Variants in LHFPL6 observed in about 807,000 individuals in gnomAD.
LHFPL6 encodes LHFPL tetraspan subfamily member 6 protein.
A neutral mutation model predicts 20.6 loss-of-function variants in LHFPL6; 9 were observed. The observed-to-expected ratio is 0.44, with a 90% CI of 0.26 to 0.76. The LOEUF (loss-of-function observed/expected upper bound fraction) is 0.76. LHFPL6 is among the 30% of genes least tolerant of loss of function. The pLI is 0.20. For synonymous variants in LHFPL6, 105 were observed against 98.7 expected (o/e 1.06, Z -0.38); for missense variants, 218 against 253.5 (o/e 0.86, Z 0.95).
intron 2 of LHFPL6, among the ~76,000 whole-genome samples, chr13:39,394,460 G>A (rs146126738): frequency 1.9e-4 from 29 of 152,264 alleles, no homozygotes; most frequent in African/African-American, 6.0e-4. Flanking sequence ...ATAGTTGAAA[G>A]GCAGCCTCAA....
Position 39,553,311 on chromosome 13 carries a change from T to C in LHFPL6, c.385+47521A>G, listed in dbSNP as rs899361086. Among the ~76,000 whole-genome samples, 9 of 152,300 alleles carry C rather than the reference T, an allele frequency of 5.9e-5. No individual in the cohort carries two copies. In the South Asian group the frequency reaches 1.2e-3, roughly 21 times the overall value. ...TTCCTATACCCAACTCCCTGGAATG[T>C]AAATTTGCAGCTTCACCCCATGAAT... is the stretch of plus-strand genomic sequence containing the variant. On this transcript the variant is annotated intron_variant, in intron 2 of 3. Coordinates refer to ENST00000379589, the MANE Select transcript of LHFPL6 (RefSeq NM_005780.3).
chr13:39,444,275 T>C (rs1217923443), intron 2 of LHFPL6, among the ~76,000 whole-genome samples: 1 of 152,150 alleles, frequency 6.6e-6, no homozygotes, highest in African/African-American at 2.4e-5. Context: ...GAATTTATAA[T>C]TAAAACGAAA....
At chr13:39,362,937 T>C (rs879545276) in intron 3 of LHFPL6, among the ~76,000 whole-genome samples, 9 of 152,236 alleles carry the variant, frequency 5.9e-5, no homozygotes, top group Non-Finnish European at 1.3e-4. Context: ...CAGCAGGAGC[T>C]GCCCAGAGGA....
intron 2 of LHFPL6, among the ~76,000 whole-genome samples, chr13:39,544,484 T>A (rs1870911569): frequency 6.6e-6 from 1 of 151,868 alleles, no homozygotes; most frequent in Non-Finnish European, 1.5e-5. Flanking sequence ...GAACTACCAC[T>A]TGTCTTCACT....
intron 2 of LHFPL6, among the ~76,000 whole-genome samples, chr13:39,476,430 C>A (rs1048278558): frequency 5.9e-5 from 9 of 152,148 alleles, no homozygotes; most frequent in Non-Finnish European, 4.4e-5. Context: ...TACACAGATA[C>A]TATTTGAATA....
At chr13:39,518,699 C>A (rs904473593) in intron 2 of LHFPL6, among the ~76,000 whole-genome samples, 9 of 152,154 alleles carry the variant, frequency 5.9e-5, no homozygotes, top group Non-Finnish European at 1.3e-4. Flanking sequence ...TCAGCTTTTG[C>A]ATCTACTAGA....
intron 2 of LHFPL6, among the ~76,000 whole-genome samples, chr13:39,593,820 C>G (rs1210132237): frequency 6.6e-6 from 1 of 152,068 alleles, no homozygotes; most frequent in Non-Finnish European, 1.5e-5. Flanking sequence ...CGCATATCTA[C>G]AACTATCTGA....
At chr13:39,457,237 A>G (rs759011943) in intron 2 of LHFPL6, among the ~76,000 whole-genome samples, 4 of 152,244 alleles carry the variant, frequency 2.6e-5, no homozygotes, top group Non-Finnish European at 5.9e-5. Flanking sequence ...TTTGCAATAC[A>G]TATGTCCAAC....
At chr13:39,562,679 T>C (rs67226185) in intron 2 of LHFPL6, among the ~76,000 whole-genome samples, 136 of 78,068 alleles carry the variant, frequency 1.7e-3, no homozygotes, top group East Asian at 5.0e-3. Flanking sequence ...CACACATATA[T>C]ACACACACAC....
intron 2 of LHFPL6, among the ~76,000 whole-genome samples, chr13:39,597,226 T>C (rs1872797258): frequency 6.6e-6 from 1 of 152,346 alleles, no homozygotes; most frequent in African/African-American, 2.4e-5. Flanking sequence ...TCTTTGGTAC[T>C]TCCTCATTAC....
chr13:39,482,084 G>A (rs1465238061), intron 2 of LHFPL6, among the ~76,000 whole-genome samples: 1 of 152,162 alleles, frequency 6.6e-6, no homozygotes, highest in Non-Finnish European at 1.5e-5. Context: ...GGATAGGATT[G>A]GTGCAAAAGT....
At chr13:39,537,298 C>A (rs1019208372) in intron 2 of LHFPL6, among the ~76,000 whole-genome samples, 1 of 152,100 alleles carries the variant, frequency 6.6e-6, no homozygotes, top group African/African-American at 2.4e-5. Context: ...AAAACCTAGA[C>A]CTTGGGTATA....
At chr13:39,390,646 A>G (rs1870683383) in intron 2 of LHFPL6, among the ~76,000 whole-genome samples, 1 of 152,214 alleles carries the variant, frequency 6.6e-6, no homozygotes. Context: ...CCATATAACC[A>G]TGGAACACAA....
chr13:39,437,679 G>A (rs987466163), intron 2 of LHFPL6, among the ~76,000 whole-genome samples: 16 of 152,228 alleles, frequency 1.1e-4, no homozygotes, highest in Admixed American at 3.9e-4. Flanking sequence ...TGAGGCGGGC[G>A]GATCACGAGG....
chr13:39,596,068 C>A (rs1872762212), intron 2 of LHFPL6, among the ~76,000 whole-genome samples: 1 of 152,052 alleles, frequency 6.6e-6, no homozygotes, highest in Non-Finnish European at 1.5e-5. Flanking sequence ...TATCCAAAAT[C>A]TTGTGTCTGG....
intron 3 of LHFPL6, among the ~76,000 whole-genome samples, chr13:39,370,387 TG>T: frequency 6.6e-6 from 1 of 152,322 alleles, no homozygotes; most frequent in Admixed American, 6.5e-5. Flanking sequence ...TGACTTCCAG[TG>T]ACTTGGATTT....
intron 2 of LHFPL6, among the ~76,000 whole-genome samples, chr13:39,579,770 T>A (rs1277833516): frequency 1.3e-5 from 2 of 152,202 alleles, no homozygotes; most frequent in East Asian, 3.8e-4. Context: ...CTGGCAAGTT[T>A]CATTTTGTGA....
At chr13:39,557,040 G>A (rs1463014844) in intron 2 of LHFPL6, among the ~76,000 whole-genome samples, 2 of 152,152 alleles carry the variant, frequency 1.3e-5, no homozygotes, top group African/African-American at 4.8e-5. Flanking sequence ...GGTCGAGAAG[G>A]ATTCCAAGCA....
intron 2 of LHFPL6, among the ~76,000 whole-genome samples, chr13:39,424,850 AT>A (rs1321350652): frequency 6.6e-6 from 1 of 152,194 alleles, no homozygotes; most frequent in Non-Finnish European, 1.5e-5. Flanking sequence ...TCGTAGCATT[AT>A]TTGAGTACTA....
Sources: gnomAD v4.1 joint callset for allele counts (sites outside exome capture counted in the v4.1 genomes callset) on GRCh38, gnomAD v4.1.1 for gene constraint, MANE v1.5 for transcripts, NCBI Gene and HGNC (gene_info 2026-07-23, HGNC 2026-07-21) for gene names.